The following ITPR1 variants were observed in gnomAD, a reference collection of about 807,000 sequenced individuals.
ITPR1 encodes inositol 1,4,5-trisphosphate receptor type 1.
In ITPR1, 96 loss-of-function variants were observed where a neutral mutation model predicts 318.4. The ratio of observed to expected loss-of-function variants is 0.30; its 90% confidence interval spans 0.26 to 0.36. ITPR1 has a LOEUF of 0.36. ITPR1 is among the 10% of genes least tolerant of loss of function. The probability of loss-of-function intolerance (pLI) is 1.00; values close to 1 mark genes in which losing one functional copy is unlikely to be tolerated. For synonymous variants in ITPR1, 1,312 were observed against 1,289.9 expected (o/e 1.02, Z -0.37); for missense variants, 2,440 against 3,460.2 (o/e 0.71, Z 7.40).
intron 42 of ITPR1, among the ~76,000 whole-genome samples, chr3:4,730,454 C>G (rs1257069119): frequency 6.7e-6 from 1 of 148,828 alleles, no homozygotes; most frequent in Non-Finnish European, 1.5e-5. Flanking sequence ...ATGATATTCT[C>G]TTATGGGGGA....
chr3:4,789,289 C>T (rs935421536), intron 52 of ITPR1, among the ~76,000 whole-genome samples: 9 of 152,194 alleles, frequency 5.9e-5, no homozygotes, highest in Non-Finnish European at 1.0e-4. Context: ...GTGGCCTCCA[C>T]GGTATGGACC....
chr3:4,540,106 T>C (rs1426174707), intron 4 of ITPR1, among the ~76,000 whole-genome samples: 2 of 152,092 alleles, frequency 1.3e-5, no homozygotes, highest in Non-Finnish European at 2.9e-5. Context: ...AGTTTTTAAG[T>C]TTTTTAAAAA....
At chr3:4,808,399 A>AG (rs113213730) in intron 55 of ITPR1, among the ~76,000 whole-genome samples, 4,094 of 152,334 alleles carry the variant, frequency 0.027, 191 homozygotes, top group African/African-American at 0.089. Context: ...TCCTTGCATC[A>AG]GTGAAACTGG....
chr3:4,520,064 A>G (rs2082443710), intron 3 of ITPR1, among the ~76,000 whole-genome samples: 2 of 152,174 alleles, frequency 1.3e-5, no homozygotes, highest in Admixed American at 1.3e-4. Flanking sequence ...GGTACCTTGC[A>G]TTTGGGATGA....
intron 4 of ITPR1, among the ~76,000 whole-genome samples, chr3:4,572,380 T>G (rs909719625): frequency 7.2e-5 from 11 of 152,194 alleles, no homozygotes; most frequent in Non-Finnish European, 1.5e-4. Context: ...AAATCCTTGG[T>G]TAAATATTCA....
At chr3:4,648,019 G>T (rs933934367) in intron 10 of ITPR1, among the ~76,000 whole-genome samples, 5 of 152,150 alleles carry the variant, frequency 3.3e-5, no homozygotes, top group African/African-American at 1.2e-4. Flanking sequence ...AAGCGTGGTG[G>T]CACATGCCTG....
intron 4 of ITPR1, among the ~76,000 whole-genome samples, chr3:4,619,516 C>T (rs2092514188): frequency 6.7e-6 from 1 of 149,246 alleles, no homozygotes; most frequent in Non-Finnish European, 1.5e-5. Flanking sequence ...TCTCCTTCTG[C>T]CCCTTCTCCA....
chr3:4,646,938 G>A (rs2093471377), intron 10 of ITPR1, among the ~76,000 whole-genome samples: 1 of 143,422 alleles, frequency 7.0e-6, no homozygotes, highest in African/African-American at 2.5e-5. Context: ...CCTATGTATA[G>A]TATAGTAAAG....
rs764889284 is a variant in ITPR1 at position 4,673,245 on chromosome 3, G to A, written c.2314G>A (p.Glu772Lys). 4.3e-6 allele frequency: 7 copies of A among 1,613,798 alleles called. No individual in the cohort carries two copies. Among genetic ancestry groups the A allele is most frequent in the Admixed American group, 1.7e-5 (1 of 59,996 alleles). ...TCTCATTCTCCGCTGCATGTCTGAC[G>A]AGAACCTGCCCTATGACCTCAGGGC... Reference protein sequence around the residue: ...VDLILRCMSDENLPYDLRASF... With the variant: ...VDLILRCMSDKNLPYDLRASF... Residue 772 changes from glutamate (E) to lysine (K), a missense_variant, in exon 21 of 62, where the codon GAG (glutamate) becomes AAG (lysine). Glu to Lys is a moderately conservative substitution (Grantham distance 56). Coordinates refer to ENST00000649015, the MANE Select transcript of ITPR1 (RefSeq NM_001378452.1).
intron 46 of ITPR1, among the ~76,000 whole-genome samples, chr3:4,772,911 T>C (rs2046271833): frequency 6.6e-6 from 1 of 152,238 alleles, no homozygotes; most frequent in African/African-American, 2.4e-5. Flanking sequence ...ATTGTCTTCA[T>C]GGGGAGTTTG....
At chr3:4,592,847 A>G (rs2090498545) in intron 4 of ITPR1, among the ~76,000 whole-genome samples, 1 of 152,114 alleles carries the variant, frequency 6.6e-6, no homozygotes, top group South Asian at 2.1e-4. Context: ...CCACCTTTGG[A>G]GCAAGGAGAT....
intron 44 of ITPR1, among the ~76,000 whole-genome samples, chr3:4,748,878 A>G (rs2044297992): frequency 6.6e-6 from 1 of 152,212 alleles, no homozygotes; most frequent in Non-Finnish European, 1.5e-5. Context: ...ACATTGCTGC[A>G]CTGGGACGCG....
chr3:4,657,268 C>T (rs1340022697), intron 12 of ITPR1, among the ~76,000 whole-genome samples: 1 of 152,090 alleles, frequency 6.6e-6, no homozygotes, highest in Non-Finnish European at 1.5e-5. Flanking sequence ...GTTGCTATAT[C>T]ATATTGTGAG....
intron 4 of ITPR1, among the ~76,000 whole-genome samples, chr3:4,607,130 C>T (rs1244603018): frequency 1.3e-5 from 2 of 152,140 alleles, no homozygotes; most frequent in Non-Finnish European, 2.9e-5. Context: ...TTGGGAATCA[C>T]CCTGATTGCT....
intron 3 of ITPR1, among the ~76,000 whole-genome samples, chr3:4,519,159 C>A (rs1307268545): frequency 6.6e-6 from 1 of 152,150 alleles, no homozygotes; most frequent in African/African-American, 2.4e-5. Context: ...ATCTACAATT[C>A]ATTTGTCATC....
chr3:4,711,887 A>G lies in ITPR1; in HGVS notation c.5103+19A>G. 3 of 1,326,870 alleles carry G rather than the reference A, an allele frequency of 2.3e-6. No homozygotes were observed. The highest frequency in any genetic ancestry group is 1.8e-4 in the Middle Eastern group (1 of 5,430). The allele number at this position is 1,326,870 out of a possible 1,614,324, so 82.2% of individuals were successfully genotyped here. A position where few individuals can be genotyped will look rare whatever the true frequency, so the allele number is the denominator to read the frequency against. On this transcript the variant is annotated intron_variant, in intron 39 of 61. Transcript: ENST00000649015. ...AGAAAAGGTACTGCATTTTATTTTC[A>G]TGGTCAAACCAGGTTTTACTATGAA...
chr3:4,718,058 G>C (rs117319501), intron 40 of ITPR1, among the ~76,000 whole-genome samples: 1 of 152,124 alleles, frequency 6.6e-6, no homozygotes, highest in Non-Finnish European at 1.5e-5. Context: ...CTAGTTTCCC[G>C]TACCCAGAAT....
intron 29 of ITPR1, among the ~76,000 whole-genome samples, chr3:4,684,761 T>C (rs1441614816): frequency 1.3e-5 from 2 of 152,188 alleles, no homozygotes; most frequent in Admixed American, 6.5e-5. Context: ...TTTGTGTGTT[T>C]TACCCCAGAG....
chr3:4,828,059 C>T (rs2050197298), intron 60 of ITPR1, among the ~76,000 whole-genome samples: 1 of 152,080 alleles, frequency 6.6e-6, no homozygotes, highest in African/African-American at 2.4e-5. Flanking sequence ...AAAAGCCCAT[C>T]AGATGATAAA....
Sources: allele counts gnomAD v4.1 joint callset (sites outside exome capture counted in the v4.1 genomes callset), GRCh38; gene constraint gnomAD v4.1.1; transcripts MANE v1.5; gene names NCBI Gene and HGNC (gene_info 2026-07-23, HGNC 2026-07-21).